VWC2L: variants seen among roughly 807,000 people sequenced by gnomAD.
The protein encoded by VWC2L is von Willebrand factor C domain containing 2 like.
VWC2L carries 10 observed loss-of-function variants against 21.6 expected under a neutral mutation model. The observed-to-expected ratio is 0.46, with a 90% confidence interval of 0.29 to 0.78. The LOEUF is 0.78. VWC2L is among the 30% of genes least tolerant of loss of function. The probability of loss-of-function intolerance (pLI) is 0.10; values close to 1 mark genes in which losing one functional copy is unlikely to be tolerated. For synonymous variants in VWC2L, 96 were observed against 94.3 expected (o/e 1.02, Z -0.10); for missense variants, 209 against 277.1 (o/e 0.75, Z 1.74).
chr2:214,513,809 C>A (rs574591359), intron 3 of VWC2L, among the ~76,000 whole-genome samples: 33 of 152,068 alleles, frequency 2.2e-4, no homozygotes, highest in Non-Finnish European at 3.8e-4. Flanking sequence ...CTCACAAGTG[C>A]TCAGTCTCTA....
At chr2:214,487,275 G>A (rs1688683919) in intron 3 of VWC2L, among the ~76,000 whole-genome samples, 1 of 152,172 alleles carries the variant, frequency 6.6e-6, no homozygotes, top group Non-Finnish European at 1.5e-5. Context: ...AAGCAATCTT[G>A]ACATTACTTT....
chr2:214,414,636 T>C, intron 2 of VWC2L, 53 bp downstream of exon 2: 3 of 1,562,936 alleles, frequency 1.9e-6, no homozygotes, highest in Non-Finnish European at 1.7e-6. Context: ...TACCACGTGC[T>C]TAGTACATTG....
intron 3 of VWC2L, among the ~76,000 whole-genome samples, chr2:214,453,162 T>C (rs1703001442): frequency 6.6e-6 from 1 of 152,208 alleles, no homozygotes; most frequent in Non-Finnish European, 1.5e-5. Context: ...AAAAAATATT[T>C]TTCCTTTGTT....
At chr2:214,450,441 C>G (rs1702936417) in intron 3 of VWC2L, among the ~76,000 whole-genome samples, 1 of 152,224 alleles carries the variant, frequency 6.6e-6, no homozygotes, top group African/African-American at 2.4e-5. Context: ...CACTCCAATT[C>G]CTTTCCCTTC....
chr2:214,458,593 G>T (rs1703090457), intron 3 of VWC2L, among the ~76,000 whole-genome samples: 1 of 151,984 alleles, frequency 6.6e-6, no homozygotes, highest in Non-Finnish European at 1.5e-5. Flanking sequence ...TCTTAGCACA[G>T]CTTTTGCTCT....
In VWC2L at chr2:214,418,173, A is replaced by G. The variant is rs182379800; in HGVS notation, c.390+3590A>G. Among the ~76,000 whole-genome samples, 794 of 152,324 alleles carry G rather than the reference A, an allele frequency of 5.2e-3. 4 individuals are homozygous for G. Among genetic ancestry groups the G allele is most frequent in the Non-Finnish European group, 8.6e-3 (584 of 68,032 alleles). ...TCCTACCTCATATCTCCCACACTGT[A>G]TCACTCCTTCCGTATGTTCCCACGG... On this transcript the variant is annotated intron_variant, in intron 2 of 3. Coordinates refer to ENST00000312504, the MANE Select transcript of VWC2L (RefSeq NM_001080500.4).
chr2:214,467,566 T>A (rs1287464055), intron 3 of VWC2L, among the ~76,000 whole-genome samples: 2 of 152,178 alleles, frequency 1.3e-5, no homozygotes, highest in Non-Finnish European at 2.9e-5. Flanking sequence ...TGAAAATCAT[T>A]GTTTTATATA....
chr2:214,567,547 TACACACACACACACACACACACAC>T (rs71409879), intron 3 of VWC2L, among the ~76,000 whole-genome samples: 18 of 119,954 alleles, frequency 1.5e-4, no homozygotes, highest in East Asian at 7.2e-4. Context: ...TTCATCCACA[TACACACACACACACACACACACAC>T]ACACACACAC....
chr2:214,425,330 A>G (rs1702505985), intron 2 of VWC2L, among the ~76,000 whole-genome samples: 2 of 152,262 alleles, frequency 1.3e-5, no homozygotes, highest in South Asian at 4.1e-4. Flanking sequence ...CTTTTCACAC[A>G]AGTAAATTTC....
chr2:214,493,792 G>A (rs1688776152), intron 3 of VWC2L, among the ~76,000 whole-genome samples: 1 of 152,166 alleles, frequency 6.6e-6, no homozygotes, highest in South Asian at 2.1e-4. Flanking sequence ...CCCAGGGACT[G>A]AATAAGACTG....
intron 3 of VWC2L, among the ~76,000 whole-genome samples, chr2:214,520,995 G>A (rs557011206): frequency 2.0e-5 from 3 of 151,784 alleles, no homozygotes; most frequent in South Asian, 2.1e-4. Flanking sequence ...AGGCTGAGGC[G>A]GGTGGATCAC....
At chr2:214,507,024 A>C (rs1466945123) in intron 3 of VWC2L, among the ~76,000 whole-genome samples, 1 of 152,134 alleles carries the variant, frequency 6.6e-6, no homozygotes, top group Non-Finnish European at 1.5e-5. Context: ...ATTATTACAA[A>C]ATATAGAATT....
chr2:214,420,158 C>G (rs1391499561), intron 2 of VWC2L, among the ~76,000 whole-genome samples: 1 of 152,116 alleles, frequency 6.6e-6, no homozygotes, highest in African/African-American at 2.4e-5. Context: ...TTGATTTGCC[C>G]TTTAATGGGT....
chr2:214,415,601 A>G (rs1196751196), intron 2 of VWC2L, among the ~76,000 whole-genome samples: 2 of 152,106 alleles, frequency 1.3e-5, no homozygotes, highest in African/African-American at 2.4e-5. Context: ...CAAGGGTCAA[A>G]TGGTGCCAGA....
At chr2:214,571,433 T>G (rs903628245) in intron 3 of VWC2L, among the ~76,000 whole-genome samples, 1 of 152,198 alleles carries the variant, frequency 6.6e-6, no homozygotes, top group African/African-American at 2.4e-5. Flanking sequence ...GAAGTAAATG[T>G]TCAAGAAATT....
At chr2:214,500,556 G>C (rs911090302) in intron 3 of VWC2L, among the ~76,000 whole-genome samples, 28 of 152,208 alleles carry the variant, frequency 1.8e-4, no homozygotes, top group Non-Finnish European at 8.8e-5. Context: ...CTGTTTTCCA[G>C]CTCCCTATCC....
chr2:214,472,783 G>A (rs1434935474), intron 3 of VWC2L, among the ~76,000 whole-genome samples: 1 of 152,162 alleles, frequency 6.6e-6, no homozygotes, highest in Non-Finnish European at 1.5e-5. Context: ...AATTTGTTTA[G>A]AAATTAGAGC....
intron 2 of VWC2L, chr2:214,415,288 C>T (rs1425398701): frequency 2.0e-5 from 3 of 151,998 alleles, no homozygotes; most frequent in Non-Finnish European, 4.4e-5. Flanking sequence ...CATTTTTATC[C>T]CTTATTGAAC....
intron 3 of VWC2L, among the ~76,000 whole-genome samples, chr2:214,491,033 G>C (rs1688738671): frequency 6.6e-6 from 1 of 152,164 alleles, no homozygotes; most frequent in African/African-American, 2.4e-5. Context: ...AGGGGATGGG[G>C]GGAGTGGCTA....
Sources: allele counts gnomAD v4.1 joint callset (sites outside exome capture counted in the v4.1 genomes callset), GRCh38; gene constraint gnomAD v4.1.1; transcripts MANE v1.5; gene names NCBI Gene and HGNC (gene_info 2026-07-23, HGNC 2026-07-21).